Variants in FCHSD2 observed in about 807,000 individuals in gnomAD.
FCHSD2 encodes FCH and double SH3 domains 2, also known as F-BAR and double SH3 domains protein 2.
A neutral mutation model predicts 108.1 loss-of-function variants in FCHSD2; 38 were observed. That is an observed-to-expected ratio of 0.35 (90% confidence interval 0.27 to 0.46). The LOEUF (loss-of-function observed/expected upper bound fraction) is 0.46. FCHSD2 is among the 20% of genes least tolerant of loss of function. The pLI is 1.00. For synonymous variants in FCHSD2, 279 were observed against 314.7 expected (o/e 0.89, Z 1.20); for missense variants, 751 against 897.8 (o/e 0.84, Z 2.09).
intron 3 of FCHSD2, among the ~76,000 whole-genome samples, chr11:73,026,834 G>A (rs779879142): frequency 2.6e-5 from 4 of 152,108 alleles, no homozygotes; most frequent in Non-Finnish European, 4.4e-5. Flanking sequence ...TGGTTTAAAA[G>A]TTTGGCACTT....
Position 72,908,472 on chromosome 11 carries a change from C to T in FCHSD2, c.829-5834G>A, listed in dbSNP as rs536248653. Among the ~76,000 whole-genome samples, 130 of 152,266 alleles carry T rather than the reference C, an allele frequency of 8.5e-4. 1 individual carries two copies. The highest frequency in any genetic ancestry group is 3.0e-3 in the African/African-American group (125 of 41,566). ...GGAACTGCCAAACTGTTTTCCATAG[C>T]GGTTGTACTAATTTACATTCCCAGC... On this transcript the variant is annotated intron_variant, in intron 9 of 19. Coordinates refer to ENST00000409418, the MANE Select transcript of FCHSD2 (RefSeq NM_014824.3).
intron 3 of FCHSD2, among the ~76,000 whole-genome samples, chr11:73,068,501 A>C (rs1034554954): frequency 3.3e-5 from 5 of 152,232 alleles, no homozygotes; most frequent in Admixed American, 6.5e-5. Context: ...TATACTCCTG[A>C]AGTTAAAAAA....
At chr11:72,916,808 G>T (rs1430727109) in intron 9 of FCHSD2, among the ~76,000 whole-genome samples, 1 of 152,032 alleles carries the variant, frequency 6.6e-6, no homozygotes, top group Non-Finnish European at 1.5e-5. Flanking sequence ...AATTATCTAT[G>T]TTTTCTTTCG....
At chr11:73,072,201 A>T (rs1024668768) in intron 3 of FCHSD2, among the ~76,000 whole-genome samples, 2 of 151,502 alleles carry the variant, frequency 1.3e-5, no homozygotes, top group African/African-American at 2.4e-5. Context: ...TCCTGGCCTA[A>T]CCACTAAATT....
intron 8 of FCHSD2, among the ~76,000 whole-genome samples, chr11:72,964,415 G>A (rs962996294): frequency 6.6e-6 from 1 of 152,174 alleles, no homozygotes. Flanking sequence ...CGTCTGAGAA[G>A]TCTTCTTTAC....
At chr11:72,882,760 A>G (rs1290909998) in intron 12 of FCHSD2, among the ~76,000 whole-genome samples, 2 of 152,252 alleles carry the variant, frequency 1.3e-5, no homozygotes, top group East Asian at 1.9e-4. Flanking sequence ...AGAAGACTCA[A>G]TATTGTTGAG....
chr11:73,025,956 C>T (rs1208683791), intron 3 of FCHSD2, among the ~76,000 whole-genome samples: 2 of 151,962 alleles, frequency 1.3e-5, no homozygotes, highest in African/African-American at 4.8e-5. Context: ...CACAGATATG[C>T]TCCATGTTTT....
At chr11:72,935,688 T>G (rs1015719135) in intron 8 of FCHSD2, among the ~76,000 whole-genome samples, 1 of 152,220 alleles carries the variant, frequency 6.6e-6, no homozygotes, top group African/African-American at 2.4e-5. Flanking sequence ...TATCTTAATA[T>G]GTAGTTGAAT....
chr11:72,916,802 A>G (rs1279913100), intron 9 of FCHSD2, among the ~76,000 whole-genome samples: 1 of 152,186 alleles, frequency 6.6e-6, no homozygotes, highest in Non-Finnish European at 1.5e-5. Flanking sequence ...CAGTCTAATT[A>G]TCTATGTTTT....
chr11:72,913,031 G>A (rs1320484285), intron 9 of FCHSD2, among the ~76,000 whole-genome samples: 2 of 152,106 alleles, frequency 1.3e-5, no homozygotes, highest in East Asian at 1.9e-4. Context: ...TTTGTCTTAC[G>A]TGGCAGGAGC....
chr11:73,061,851 C>T (rs1859171531), intron 3 of FCHSD2, among the ~76,000 whole-genome samples: 1 of 152,186 alleles, frequency 6.6e-6, no homozygotes. Context: ...TGGGACAGAG[C>T]ACTTGGGGAA....
chr11:72,938,402 T>C (rs941346239), intron 8 of FCHSD2, among the ~76,000 whole-genome samples: 28 of 152,298 alleles, frequency 1.8e-4, no homozygotes, highest in African/African-American at 6.3e-4. Context: ...GAAGAACTTA[T>C]AAAGTTTCAA....
At chr11:72,862,976 G>A (rs1319400124) in intron 13 of FCHSD2, among the ~76,000 whole-genome samples, 1 of 152,124 alleles carries the variant, frequency 6.6e-6, no homozygotes, top group Non-Finnish European at 1.5e-5. Context: ...AGGTTGGAGT[G>A]CAGTAGCACA....
In FCHSD2 at chr11:73,072,411, T is replaced by TTTTAATGAAGTTTTTTAAAACTTCC. The variant is rs1301436207; in HGVS notation, c.165+11259_165+11283dup. ...ATGAAGTTTAAAAACTTAATTAAAT[T>TTTTAATGAAGTTTTTTAAAACTTCC]TTTAATGAAGTTTTTTAAAACTTCC... On this transcript the variant is annotated intron_variant, in intron 3 of 19. Transcript: ENST00000409418. 5.6e-4 allele frequency among the ~76,000 whole-genome samples: 86 copies of TTTTAATGAAGTTTTTTAAAACTTCC among 152,282 alleles called. 1 individual carries two copies. Among genetic ancestry groups the TTTTAATGAAGTTTTTTAAAACTTCC allele is most frequent in the African/African-American group, 1.7e-3 (69 of 41,544 alleles).
chr11:73,033,642 T>C (rs1858418649), intron 3 of FCHSD2, among the ~76,000 whole-genome samples: 1 of 152,190 alleles, frequency 6.6e-6, no homozygotes. Context: ...GATAAAACTA[T>C]GTTAATTAAA....
At chr11:73,102,564 A>C (rs949648528) in intron 2 of FCHSD2, among the ~76,000 whole-genome samples, 1 of 152,132 alleles carries the variant, frequency 6.6e-6, no homozygotes, top group African/African-American at 2.4e-5. Flanking sequence ...CTCCTCTAAA[A>C]CTCATGTTGA....
intron 3 of FCHSD2, among the ~76,000 whole-genome samples, chr11:73,033,181 G>A (rs1018536937): frequency 4.0e-5 from 6 of 151,778 alleles, no homozygotes; most frequent in Non-Finnish European, 7.4e-5. Flanking sequence ...CCAGCTACTC[G>A]GGAGGCTGAG....
chr11:73,097,991 G>T (rs1415688246), intron 2 of FCHSD2, among the ~76,000 whole-genome samples: 1 of 152,108 alleles, frequency 6.6e-6, no homozygotes, highest in East Asian at 1.9e-4. Context: ...CTAATCTAAG[G>T]TTTGCCAATA....
At chr11:72,871,437 T>A (rs1186355074) in intron 12 of FCHSD2, among the ~76,000 whole-genome samples, 1 of 152,232 alleles carries the variant, frequency 6.6e-6, no homozygotes, top group Admixed American at 6.5e-5. Flanking sequence ...AGTAATGCAT[T>A]CAGCTTCATT....
Sources: gnomAD v4.1 joint callset for allele counts (sites outside exome capture counted in the v4.1 genomes callset) on GRCh38, gnomAD v4.1.1 for gene constraint, MANE v1.5 for transcripts, NCBI Gene and HGNC (gene_info 2026-07-23, HGNC 2026-07-21) for gene names.